The following ZFYVE19 variants were observed in gnomAD, a reference collection of about 807,000 sequenced individuals.
ZFYVE19 encodes the protein abscission/NoCut checkpoint regulator.
In ZFYVE19, 49 loss-of-function variants were observed where a neutral mutation model predicts 62.8. The ratio of observed to expected loss-of-function variants is 0.78; its 90% confidence interval spans 0.62 to 0.99. The LOEUF is 0.99. ZFYVE19 is among the 50% of genes least tolerant of loss of function. The pLI is 0.00. For missense variants in ZFYVE19, 630 were observed against 601.9 expected (o/e 1.05, Z -0.49); for synonymous variants, 242 against 234.3 (o/e 1.03, Z -0.30).
chr15:40,808,848 T>C (rs1044360593), intron 1 of ZFYVE19: 5 of 396,488 alleles, frequency 1.3e-5, no homozygotes, highest in Non-Finnish European at 2.3e-5. Context: ...GCTTTATCTA[T>C]CTGTCTTCTA....
chr15:40,813,975 G>A lies in ZFYVE19; in HGVS notation c.1242G>A (p.Glu414=). ...ATGTGGACCCCAGGCCTGAGGCTGA[G>A]GAAGAGGAGCTCCCCTGGTGCTGCA... ...AQDVDPRPEA[E]EEELPWCCIC... The change falls in exon 10 of 11, where the codon GAG becomes GAA. Residue 414 remains glutamate, a synonymous_variant. Coordinates refer to ENST00000355341, the MANE Select transcript of ZFYVE19 (RefSeq NM_001077268.2). The A allele has an allele frequency of 6.2e-7, 1 of 1,613,080 alleles. No homozygotes were observed. Among genetic ancestry groups the A allele is most frequent in the Non-Finnish European group, 8.5e-7 (1 of 1,179,422 alleles).
intron 6 of ZFYVE19, 96 bp downstream of exon 6, chr15:40,810,853 C>T (rs1022410505): frequency 7.6e-6 from 11 of 1,451,964 alleles, no homozygotes; most frequent in African/African-American, 2.8e-5. Context: ...GAATATAAAT[C>T]GGAGAGTGAT....
chr15:40,807,657 G>C lies in ZFYVE19; in HGVS notation c.68G>C (p.Gly23Ala). The C allele has an allele frequency of 6.2e-7, 1 of 1,609,622 alleles. No homozygotes were observed. Residue 23 changes from glycine to alanine, a missense_variant, in exon 1 of 11, where the codon GGA becomes GCA. By Grantham distance (60) the Gly-to-Ala change is moderately conservative. Coordinates refer to ENST00000355341, the MANE Select transcript of ZFYVE19 (RefSeq NM_001077268.2). ...TACGCTGGCTGCAGGAGAGCGTCCG[G>C]ATTCCCTGCTCTAGGTCGCGGCGGG... is the stretch of plus-strand genomic sequence containing the variant. ...LPYAGCRRAS[G>A]FPALGRGGTV...
chr15:40,813,223 T>C, intron 7 of ZFYVE19, 115 bp from the exon 8 acceptor site: 3 of 1,005,330 alleles, frequency 3.0e-6, no homozygotes, highest in Non-Finnish European at 3.0e-6. Context: ...TTCTCAGCTC[T>C]GGAATAAGTG....
chr15:40,813,670 G>A (rs1200345595), intron 8 of ZFYVE19, 43 bp from the exon 9 acceptor site: 1 of 1,558,034 alleles, frequency 6.4e-7, no homozygotes, highest in East Asian at 2.2e-5. Flanking sequence ...TGGAGGGCCT[G>A]GGCCTGAAGC....
chr15:40,807,264 G>C lies in ZFYVE19; in HGVS notation c.-326G>C. On this transcript the variant is annotated 5_prime_UTR_variant, in exon 1 of 11. Coordinates refer to ENST00000355341, the MANE Select transcript of ZFYVE19 (RefSeq NM_001077268.2). Reference sequence around the variant, plus strand: ...AGCGCCGACCCTCGCTCCCCGCCCAGGACCCGAATGAACCTGGAGAGCGGA... The same window carrying C: ...AGCGCCGACCCTCGCTCCCCGCCCACGACCCGAATGAACCTGGAGAGCGGA... 6.2e-7 allele frequency: 1 copy of C among 1,601,468 alleles called. No individual in the cohort carries two copies. The highest frequency in any genetic ancestry group is 8.5e-7 in the Non-Finnish European group (1 of 1,174,274).
At position 40,807,720 on chromosome 15, in the gene ZFYVE19, G is replaced by C. The variant is rs1876539750; in HGVS notation, c.131G>C (p.Gly44Ala). ...GGCGTGTGGGGCGGGGCAGGGCAGGGAAGGGAAGGGCGGAGCTGGGGTGAG... is the reference window on the plus strand; with the variant it reads ...GGCGTGTGGGGCGGGGCAGGGCAGGCAAGGGAAGGGCGGAGCTGGGGTGAG... ...PVGVWGGAGQ[G>A]REGRSWGEGP... is the part of the protein sequence containing the mutation. Residue 44 changes from glycine to alanine, a missense_variant, in exon 1 of 11, where the codon GGA (glycine) becomes GCA (alanine). By Grantham distance (60) the Gly-to-Ala change is moderately conservative. Transcript: ENST00000355341. The C allele has an allele frequency of 2.5e-6, 4 of 1,601,448 alleles. No individual in the cohort carries two copies. Among genetic ancestry groups the C allele is most frequent in the Non-Finnish European group, 2.6e-6 (3 of 1,175,378 alleles).
In ZFYVE19 at chr15:40,809,182, C is replaced by T; in HGVS notation, c.343C>T (p.Pro115Ser). The stretch of plus-strand genomic sequence containing the variant: ...CTGCCTAAGCTTCAGTGCAGCAGTG[C>T]CTCGGACTGGGAACACCCAACAGAA... ...SGCLSFSAAV[P>S]RTGNTQQKVC... The change falls in exon 2 of 11, where the codon CCT becomes TCT. Residue 115 changes from proline (P) to serine (S), a missense_variant. By Grantham distance (74) the Pro-to-Ser change is moderately conservative (BLOSUM62 -1). Coordinates refer to ENST00000355341, the MANE Select transcript of ZFYVE19 (RefSeq NM_001077268.2). 6.2e-7 allele frequency: 1 copy of T among 1,614,194 alleles called. No homozygotes were observed. Among genetic ancestry groups the T allele is most frequent in the African/African-American group, 1.3e-5 (1 of 75,052 alleles).
At chr15:40,812,557 A>AAAAAGAAAG (rs1555385530) in intron 6 of ZFYVE19, 142 bp from the exon 7 acceptor site, 15 of 465,048 alleles carry the variant, frequency 3.2e-5, no homozygotes, top group African/African-American at 3.0e-4. Context: ...AAAAAAAAAA[A>AAAAAGAAAG]AAAGAAAGAA....
chr15:40,814,446 A>T lies in ZFYVE19; in HGVS notation c.*220A>T, dbSNP rs1339470587. 1.7e-6 allele frequency: 1 copy of T among 601,324 alleles called. No individual in the cohort carries two copies. The highest frequency in any genetic ancestry group is 2.9e-6 in the Non-Finnish European group (1 of 343,838). The allele number at this position is 601,324 out of a possible 1,614,324, so 37.2% of individuals were successfully genotyped here. A position where few individuals can be genotyped will look rare whatever the true frequency, so the allele number is the denominator to read the frequency against. On this transcript the variant is annotated 3_prime_UTR_variant, in exon 11 of 11. Coordinates refer to ENST00000355341, the MANE Select transcript of ZFYVE19 (RefSeq NM_001077268.2). ...CCCTCCTATTAGAAGCCCAGACTGGAAGTGAGAGGCATGATGGGGAGAGAC... is the reference window on the plus strand; with the variant it reads ...CCCTCCTATTAGAAGCCCAGACTGGTAGTGAGAGGCATGATGGGGAGAGAC...
chr15:40,807,884 C>T lies in ZFYVE19; in HGVS notation c.279+16C>T, dbSNP rs759081589. 115 of 1,539,658 alleles carry T rather than the reference C, an allele frequency of 7.5e-5. No homozygotes were observed. The highest frequency in any genetic ancestry group is 9.6e-5 in the Non-Finnish European group (110 of 1,151,078). ...CAAGAAGGAGGCGAGTCTTCCCTCC[C>T]CGAGGGCTGCAGGGCCAGGGAGGAG... is the stretch of plus-strand genomic sequence containing the variant. On this transcript the variant is annotated intron_variant, in intron 1 of 10. Coordinates refer to ENST00000355341, the MANE Select transcript of ZFYVE19 (RefSeq NM_001077268.2).
In ZFYVE19 at chr15:40,812,330, G is replaced by A. The variant is rs140984517; in HGVS notation, c.827-369G>A. 2.0e-5 allele frequency among the ~76,000 whole-genome samples: 3 copies of A among 151,922 alleles called. No homozygotes were observed. In the East Asian group the frequency reaches 5.8e-4, roughly 29 times the overall value. On this transcript the variant is annotated intron_variant, in intron 6 of 10. Coordinates refer to ENST00000355341, the MANE Select transcript of ZFYVE19 (RefSeq NM_001077268.2). ...TGGGAGGCTGAGGCGGGTGGATCAC[G>A]AGGTCAGGAGTTGGAGACCAGCCTG...
chr15:40,809,292 G>C lies in ZFYVE19; in HGVS notation c.401+52G>C, dbSNP rs775731914. On this transcript the variant is annotated intron_variant, in intron 2 of 10. Coordinates refer to ENST00000355341, the MANE Select transcript of ZFYVE19 (RefSeq NM_001077268.2). Reference sequence around the variant, plus strand: ...CAGCCAAGTATGGCAGTGGGCATCTGGCCAGCCCTCACAGCTTTGTACTCT... The same window carrying C: ...CAGCCAAGTATGGCAGTGGGCATCTCGCCAGCCCTCACAGCTTTGTACTCT... 6.2e-6 allele frequency: 10 copies of C among 1,612,658 alleles called. No individual in the cohort carries two copies. In the Admixed American group the frequency reaches 1.5e-4, roughly 24 times the overall value.
chr15:40,809,329 C>A, intron 2 of ZFYVE19, 79 bp from the exon 3 acceptor site: 1 of 1,613,466 alleles, frequency 6.2e-7, no homozygotes, highest in Non-Finnish European at 8.5e-7. Flanking sequence ...TCGCGAGAGT[C>A]AGCCGAGGAA....
At position 40,813,355 on chromosome 15, in the gene ZFYVE19, C is replaced by T. The variant is rs1287627200; in HGVS notation, c.1048C>T (p.Arg350Cys). The change falls in exon 8 of 11, where the codon CGC (arginine) becomes TGC (cysteine). Residue 350 changes from arginine (R) to cysteine (C), a missense_variant. Physicochemically the swap from Arg to Cys is radical, Grantham distance 180. Transcript: ENST00000355341. ...TCTTCAAGTGACCCTCCAGGACTAT[C>T]GCCTCCCAGACAGTGATGACGACGA... ...DPERVTLQDY[R>C]LPDSDDDEDE... is the part of the protein sequence containing the mutation. 1.9e-6 allele frequency: 3 copies of T among 1,613,144 alleles called. No individual in the cohort carries two copies. Among genetic ancestry groups the T allele is most frequent in the South Asian group, 1.1e-5 (1 of 90,738 alleles).
chr15:40,808,073 T>C, intron 1 of ZFYVE19: 1 of 936,938 alleles, frequency 1.1e-6, no homozygotes, highest in Non-Finnish European at 1.6e-6. Flanking sequence ...TGAAGTGCTT[T>C]AGGTGAGAGT....
rs200284615 is a variant in ZFYVE19, at chr15:40,810,215, C to T, written c.716C>T (p.Pro239Leu). The part of the protein sequence containing the change: ...GRVLPSQTPQ[P>L]AHHTPDTRTQ... The stretch of plus-strand genomic sequence containing the variant: ...GTTCTACCTTCTCAAACCCCCCAGC[C>T]GGTGAGTGTTATGGCTTAGGAGAGA... The change falls in exon 5 of 11, where the codon CCG (proline) becomes CTG (leucine). Residue 239 changes from proline to leucine, a missense_variant and splice_region_variant. Physicochemically the swap from Pro to Leu is moderately conservative, Grantham distance 98. Coordinates refer to ENST00000355341, the MANE Select transcript of ZFYVE19 (RefSeq NM_001077268.2). 2.6e-5 allele frequency: 42 copies of T among 1,614,092 alleles called. No individual in the cohort carries two copies. The East Asian group carries it at 3.6e-4, about 14-fold the overall frequency.
rs1890534601 is a variant in ZFYVE19, at chr15:40,812,720, T to G, written c.848T>G (p.Leu283Arg). 1.2e-6 allele frequency: 2 copies of G among 1,608,566 alleles called. No homozygotes were observed. Among genetic ancestry groups the G allele is most frequent in the Non-Finnish European group, 8.5e-7 (1 of 1,179,982 alleles). ...GGPAASLQND[L>R]NQGGPGSTNS... ...CCAGCTGCCTCTCTCCAGAATGATC[T>G]CAACCAGGGTGGCCCAGGGAGCACT... Residue 283 changes from leucine to arginine, a missense_variant, in exon 7 of 11, where the codon CTC becomes CGC. Coordinates refer to ENST00000355341, the MANE Select transcript of ZFYVE19 (RefSeq NM_001077268.2).
At chr15:40,807,937 C>T in intron 1 of ZFYVE19, 69 bp downstream of exon 1, 1 of 1,539,062 alleles carries the variant, frequency 6.5e-7, no homozygotes, top group Non-Finnish European at 8.8e-7. Context: ...GACTTAACGT[C>T]CAAAGACTTG....
Sources: gnomAD v4.1 joint callset for allele counts (sites outside exome capture counted in the v4.1 genomes callset) on GRCh38, gnomAD v4.1.1 for gene constraint, MANE v1.5 for transcripts, NCBI Gene and HGNC (gene_info 2026-07-23, HGNC 2026-07-21) for gene names.